The following GALNS variants were observed in gnomAD, a reference collection of about 807,000 sequenced individuals.
GALNS encodes N-acetylgalactosamine-6-sulfatase.
In GALNS, 65 loss-of-function variants were observed where a neutral mutation model predicts 65.9. That is an observed-to-expected ratio of 0.99 (90% CI 0.81 to 1.21). The LOEUF is 1.21. Among genes scored for constraint, GALNS ranks in the 50% most tolerant of loss-of-function variants. GALNS has a pLI of 0.00. For missense variants in GALNS, 776 were observed against 700.7 expected, an observed-to-expected ratio of 1.11 and a Z score of -1.21; for synonymous variants, 346 against 288.9, an observed-to-expected ratio of 1.20 and a Z score of -2.00.
intron 5 of GALNS, 98 bp from the exon 6 acceptor site, chr16:88,836,365 G>A (rs1912140954): frequency 9.9e-7 from 1 of 1,008,012 alleles, no homozygotes; most frequent in Non-Finnish European, 1.5e-6. Flanking sequence ...TCATTTAAAA[G>A]AAGGCTAGGG....
chr16:88,815,217 G>T, intron 13 of GALNS: 1 of 985,456 alleles, frequency 1.0e-6, no homozygotes, highest in Non-Finnish European at 1.2e-6. Context: ...TTGGAGAAAT[G>T]AGAACTTGGT....
chr16:88,817,042 G>A, intron 13 of GALNS: 3 of 985,440 alleles, frequency 3.0e-6, no homozygotes, highest in Non-Finnish European at 3.6e-6. Context: ...CGACTAGAGC[G>A]AGGGCCGCAC....
At chr16:88,852,910 G>T (rs886258055) in intron 1 of GALNS, among the ~76,000 whole-genome samples, 1 of 151,668 alleles carries the variant, frequency 6.6e-6, no homozygotes, top group African/African-American at 2.4e-5. Context: ...AGCTGTGATC[G>T]AGCTACTGCA....
In GALNS at chr16:88,842,833, C is replaced by CAGGGAAGAGCACGGGGAGG; in HGVS notation, c.121-23_121-5dup. 1 of 1,613,144 alleles carries CAGGGAAGAGCACGGGGAGG rather than the reference C, an allele frequency of 6.2e-7. No homozygotes were observed. The highest frequency in any genetic ancestry group is 2.2e-5 in the East Asian group (1 of 44,868). On this transcript the variant is annotated splice_polypyrimidine_tract_variant and splice_region_variant and intron_variant, in intron 1 of 13. Transcript: ENST00000268695. Reference sequence around the variant, plus strand: ...CCCCGAGGTCACCCCATCCCATCTGCAGGGAAGAGCACGGGGAGGAGGAAT... The same window carrying CAGGGAAGAGCACGGGGAGG: ...CCCCGAGGTCACCCCATCCCATCTGCAGGGAAGAGCACGGGGAGGAGGGAAGAGCACGGGGAGGAGGAAT...
At chr16:88,828,562 G>A (rs960412484) in intron 9 of GALNS, among the ~76,000 whole-genome samples, 11 of 152,352 alleles carry the variant, frequency 7.2e-5, no homozygotes, top group Admixed American at 4.6e-4. Context: ...TGATGCCATC[G>A]AATTCAATTT....
chr16:88,841,196 G>A, intron 3 of GALNS, 102 bp from the exon 4 acceptor site: 1 of 881,394 alleles, frequency 1.1e-6, no homozygotes, highest in Non-Finnish European at 1.9e-6. Context: ...ATCCTAACAG[G>A]ACACTGGCCC....
At chr16:88,849,943 G>C (rs1967429611) in intron 1 of GALNS, among the ~76,000 whole-genome samples, 1 of 152,206 alleles carries the variant, frequency 6.6e-6, no homozygotes, top group South Asian at 2.1e-4. Flanking sequence ...CCCATGTCAG[G>C]GTGAGGTGCA....
intron 1 of GALNS, among the ~76,000 whole-genome samples, chr16:88,848,352 C>T (rs867019909): frequency 1.3e-5 from 2 of 152,068 alleles, no homozygotes; most frequent in African/African-American, 2.4e-5. Context: ...AATGAAAGGC[C>T]GGGCGCGGTG....
chr16:88,832,555 C>T (rs1911620625), intron 8 of GALNS, among the ~76,000 whole-genome samples: 1 of 152,204 alleles, frequency 6.6e-6, no homozygotes, highest in Non-Finnish European at 1.5e-5. Flanking sequence ...CTGACAAGCC[C>T]CCAAGACCGG....
intron 10 of GALNS, among the ~76,000 whole-genome samples, chr16:88,825,096 GTAT>G (rs1355558178): frequency 9.9e-4 from 147 of 147,786 alleles, no homozygotes; most frequent in Admixed American, 2.5e-3. Context: ...GGGTGACTGG[GTAT>G]CTGGGGCGCC....
At chr16:88,855,160 C>G in intron 1 of GALNS, 1 of 636,170 alleles carries the variant, frequency 1.6e-6, no homozygotes, top group Non-Finnish European at 2.9e-6. Context: ...TTTAACCCAA[C>G]ATAACCAAAA....
chr16:88,841,413 C>T (rs1442596643), intron 3 of GALNS, among the ~76,000 whole-genome samples: 2 of 152,158 alleles, frequency 1.3e-5, no homozygotes, highest in Admixed American at 1.3e-4. Flanking sequence ...TGCCTGGTCT[C>T]CAGGGGTCTC....
intron 9 of GALNS, among the ~76,000 whole-genome samples, chr16:88,829,484 C>G (rs963048865): frequency 3.3e-5 from 5 of 152,252 alleles, no homozygotes; most frequent in Admixed American, 6.5e-5. Flanking sequence ...CCTTCAGGGT[C>G]CTGGGAACTT....
rs1597524240 is a variant in GALNS at position 88,818,062 on chromosome 16, T to C, written c.1427A>G (p.Gln476Arg). Residue 476 changes from glutamine (Q) to arginine (R), a missense_variant, in exon 13 of 14, where the codon CAG (glutamine) becomes CGG (arginine). Transcript: ENST00000268695. ...GGGCTGCGCGGGGACCAAGGCCTCC[T>C]GGTGCTGCTGGACGACCGAGGTGAT... ...SRITSVVQQH[Q>R]EALVPAQPQL... is the part of the protein sequence containing the mutation. 3 of 1,577,660 alleles carry C rather than the reference T, an allele frequency of 1.9e-6. No individual in the cohort carries two copies. Among genetic ancestry groups the C allele is most frequent in the Non-Finnish European group, 2.6e-6 (3 of 1,167,246 alleles).
Position 88,854,981 on chromosome 16 carries a change from C to A in GALNS, c.120+1777G>T, listed in dbSNP as rs1967718072. On this transcript the variant is annotated intron_variant, in intron 1 of 13. Transcript: ENST00000268695. ...CCAGGTGGGCGGGGCTTCCTGTCAC[C>A]CTCCCCCACATGTGCCCCGGTGGCC... 8.9e-6 allele frequency: 3 copies of A among 335,478 alleles called. No individual in the cohort carries two copies. The Admixed American group carries it at 1.3e-4, about 14-fold the overall frequency. The allele number at this position is 335,478 out of a possible 1,614,324, so 20.8% of individuals were successfully genotyped here. A position where few individuals can be genotyped will look rare whatever the true frequency, so the allele number is the denominator to read the frequency against.
At chr16:88,842,907 A>C in intron 1 of GALNS, 78 bp from the exon 2 acceptor site, 1 of 1,583,136 alleles carries the variant, frequency 6.3e-7, no homozygotes, top group East Asian at 2.3e-5. Context: ...CCATGGTGCC[A>C]AGAGCGTGTC....
At position 88,842,807 on chromosome 16, in the gene GALNS, AC is replaced by A. The variant is rs779025735; in HGVS notation, c.142del (p.Val48CysfsTer81). On this transcript the variant is annotated frameshift_variant, in exon 2 of 14. Coordinates refer to ENST00000268695, the MANE Select transcript of GALNS (RefSeq NM_000512.5). LOFTEE classifies it high-confidence loss of function. Reference protein sequence around the residue: ...MDDMGWGDLGVYGEPSRETPN... With the variant: ...MDDMGWGDLGXYGEPSRETPN... ...GGTCTCTCTGGAGGGCTCTCCATAC[AC>A]CCCGAGGTCACCCCATCCCATCTGC... 2.5e-6 allele frequency: 4 copies of A among 1,613,244 alleles called. No homozygotes were observed. The highest frequency in any genetic ancestry group is 2.5e-6 in the Non-Finnish European group (3 of 1,179,918).
At chr16:88,814,591 G>C in intron 13 of GALNS, 66 bp from the exon 14 acceptor site, 1 of 1,547,186 alleles carries the variant, frequency 6.5e-7, no homozygotes, top group Non-Finnish European at 8.7e-7. Context: ...CAGCAGCAGC[G>C]GGCATTTTGT....
chr16:88,855,921 C>G (rs1967821143), intron 1 of GALNS: 1 of 548,340 alleles, frequency 1.8e-6, no homozygotes, highest in African/African-American at 1.9e-5. Flanking sequence ...AGTCCTCACA[C>G]ACAACGTGAG....
Sources: allele counts gnomAD v4.1 joint callset (sites outside exome capture counted in the v4.1 genomes callset), GRCh38; gene constraint gnomAD v4.1.1; transcripts MANE v1.5; gene names NCBI Gene and HGNC (gene_info 2026-07-23, HGNC 2026-07-21).